ERBB4: variants seen among roughly 807,000 people sequenced by gnomAD.
ERBB4 encodes the protein receptor tyrosine-protein kinase erbB-4.
Under a neutral mutation model 158.0 loss-of-function variants are expected in ERBB4, and 42 were observed. That is an observed-to-expected ratio of 0.27 (90% CI 0.21 to 0.34). ERBB4 has a LOEUF of 0.34. Ranked by LOEUF, ERBB4 falls within the 10% of genes least tolerant of loss-of-function variation. ERBB4 has a pLI of 1.00. For missense variants in ERBB4, 1,333 were observed against 1,624.1 expected (o/e 0.82, Z 3.08); for synonymous variants, 583 against 558.7 (o/e 1.04, Z -0.61).
At chr2:211,905,186 C>G (rs994413939) in intron 3 of ERBB4, among the ~76,000 whole-genome samples, 3 of 151,950 alleles carry the variant, frequency 2.0e-5, no homozygotes, top group Non-Finnish European at 4.4e-5. Flanking sequence ...CTGGAGGGTC[C>G]GGAGAACAAT....
At chr2:212,282,727 G>C (rs1392799368) in intron 1 of ERBB4, among the ~76,000 whole-genome samples, 8 of 151,902 alleles carry the variant, frequency 5.3e-5, no homozygotes, top group Admixed American at 1.3e-4. Context: ...TCCAGGGAAA[G>C]TGCCTGGGAA....
intron 20 of ERBB4, among the ~76,000 whole-genome samples, chr2:211,437,988 T>G (rs2063892219): frequency 6.6e-6 from 1 of 152,130 alleles, no homozygotes; most frequent in Admixed American, 6.5e-5. Context: ...TTTATCCAAA[T>G]AGTGCATAAA....
chr2:211,769,764 C>T (rs1336180240), intron 4 of ERBB4, among the ~76,000 whole-genome samples: 1 of 152,202 alleles, frequency 6.6e-6, no homozygotes, highest in Non-Finnish European at 1.5e-5. Context: ...GGGCAGGAAG[C>T]ATTCAGTGTG....
At chr2:211,512,719 T>C (rs1441949481) in intron 20 of ERBB4, among the ~76,000 whole-genome samples, 1 of 152,104 alleles carries the variant, frequency 6.6e-6, no homozygotes, top group African/African-American at 2.4e-5. Flanking sequence ...TACAATTCTT[T>C]AAAAGGGCAT....
chr2:211,968,293 C>T (rs1052682475), intron 2 of ERBB4, among the ~76,000 whole-genome samples: 3 of 151,950 alleles, frequency 2.0e-5, no homozygotes, highest in African/African-American at 4.8e-5. Context: ...GGGCATAGTT[C>T]ATGAAAATCA....
At chr2:211,889,202 G>A (rs1313266699) in intron 3 of ERBB4, among the ~76,000 whole-genome samples, 1 of 144,514 alleles carries the variant, frequency 6.9e-6, no homozygotes, top group Non-Finnish European at 1.5e-5. Flanking sequence ...CTGGAGATCT[G>A]AGAACCCGCA....
At chr2:211,541,820 C>T (rs574902706) in intron 20 of ERBB4, among the ~76,000 whole-genome samples, 9 of 151,980 alleles carry the variant, frequency 5.9e-5, no homozygotes, top group South Asian at 4.1e-4. Flanking sequence ...TACTATGTAA[C>T]GAGCTCTGTG....
chr2:211,832,911 T>C (rs1319707366), intron 3 of ERBB4, among the ~76,000 whole-genome samples: 1 of 150,866 alleles, frequency 6.6e-6, no homozygotes, highest in Non-Finnish European at 1.5e-5. Flanking sequence ...TTGCAGGTGA[T>C]ATGTTGACAT....
chr2:211,715,418 C>G (rs72946553), intron 7 of ERBB4, among the ~76,000 whole-genome samples: 14,641 of 152,228 alleles, frequency 0.096, 1,015 homozygotes, highest in East Asian at 0.24. Context: ...ATCTCTATCT[C>G]AGGGGAACCC....
chr2:211,709,235 GTATA>G (rs773229423), intron 9 of ERBB4, among the ~76,000 whole-genome samples: 1 of 103,208 alleles, frequency 9.7e-6, no homozygotes, highest in Non-Finnish European at 1.9e-5. Context: ...GCGTGTGTGT[GTATA>G]TATATATATA....
At position 211,767,282 on chromosome 2, in the gene ERBB4, T is replaced by C. The variant is rs565026697; in HGVS notation, c.557-16578A>G. Among the ~76,000 whole-genome samples the C allele has an allele frequency of 8.5e-5, 13 of 152,210 alleles. 1 individual carries two copies. The South Asian group carries it at 2.7e-3, about 32-fold the overall frequency. On this transcript the variant is annotated intron_variant, in intron 4 of 27. Coordinates refer to ENST00000342788, the MANE Select transcript of ERBB4 (RefSeq NM_005235.3). ...TCACCCATTACAGAGTAAACAAAAA[T>C]AGAAGAGAGTAATACTGAATAGAGT...
chr2:211,841,059 C>T (rs1575228322), intron 3 of ERBB4, among the ~76,000 whole-genome samples: 1 of 152,050 alleles, frequency 6.6e-6, no homozygotes, highest in East Asian at 1.9e-4. Context: ...TTCAGTGAGC[C>T]AAATTTTACA....
At chr2:211,442,443 G>T (rs1401185733) in intron 20 of ERBB4, among the ~76,000 whole-genome samples, 1 of 151,946 alleles carries the variant, frequency 6.6e-6, no homozygotes, top group Non-Finnish European at 1.5e-5. Context: ...TAAACCCTGA[G>T]ATTATCAAGC....
At chr2:211,524,646 C>T (rs1052943503) in intron 20 of ERBB4, among the ~76,000 whole-genome samples, 6 of 80 alleles carry the variant, frequency 0.075, no homozygotes, top group Admixed American at 0.5. Flanking sequence ...TTGCCCGGGG[C>T]CGGCAGGGCC....
In ERBB4 at chr2:211,679,058, T is replaced by G. The variant is rs1396831096; in HGVS notation, c.1616A>C (p.Tyr539Ser). ...GRICIESCNL[Y>S]DGEFREFENG... Reference sequence around the variant, plus strand: ...ACCCTAGAAGAAGCCTTACCCATCATAGAGGTTACAAGACTCTATGCAGAT... The same window carrying G: ...ACCCTAGAAGAAGCCTTACCCATCAGAGAGGTTACAAGACTCTATGCAGAT... Residue 539 changes from tyrosine to serine, a missense_variant, in exon 13 of 28, where the codon TAT (tyrosine) becomes TCT (serine). Physicochemically the swap from Tyr to Ser is moderately radical, Grantham distance 144. This residue lies in a region of ERBB4 where 245 missense variants were observed against 247.5 expected (regional missense o/e 0.99). Transcript: ENST00000342788. The G allele has an allele frequency of 6.3e-7, 1 of 1,578,204 alleles. No homozygotes were observed. The highest frequency in any genetic ancestry group is 2.4e-5 in the East Asian group (1 of 41,102).
intron 3 of ERBB4, among the ~76,000 whole-genome samples, chr2:211,913,071 T>C (rs1417665344): frequency 6.6e-6 from 1 of 152,092 alleles, no homozygotes; most frequent in Admixed American, 6.5e-5. Flanking sequence ...AGGGGCGTGG[T>C]TGTCATTCTG....
intron 1 of ERBB4, among the ~76,000 whole-genome samples, chr2:212,284,714 T>C: frequency 6.6e-6 from 1 of 152,158 alleles, no homozygotes; most frequent in Non-Finnish European, 1.5e-5. Context: ...GAAGTTTACT[T>C]ATACCTAAAC....
intron 1 of ERBB4, among the ~76,000 whole-genome samples, chr2:212,203,331 A>C (rs1167919866): frequency 6.6e-6 from 1 of 152,144 alleles, no homozygotes; most frequent in East Asian, 1.9e-4. Flanking sequence ...GAAGAGCAAA[A>C]GAAGTTCCTA....
chr2:211,435,044 C>T (rs1362091240), intron 20 of ERBB4, among the ~76,000 whole-genome samples: 8 of 152,230 alleles, frequency 5.3e-5, no homozygotes, highest in African/African-American at 1.9e-4. Flanking sequence ...ATTTGAGTCA[C>T]ACTCTGTGCT....
Sources: allele counts gnomAD v4.1 joint callset (sites outside exome capture counted in the v4.1 genomes callset), GRCh38; gene constraint gnomAD v4.1.1; regional missense constraint gnomAD v4.1.1; transcripts MANE v1.5; gene names NCBI Gene and HGNC (gene_info 2026-07-23, HGNC 2026-07-21).